The following ZNF638 variants were observed in gnomAD, a reference collection of about 807,000 sequenced individuals.
ZNF638 encodes the protein zinc finger protein 638.
ZNF638 carries 46 observed loss-of-function variants against 195.6 expected under a neutral mutation model. The ratio of observed to expected loss-of-function variants is 0.24; its 90% CI spans 0.19 to 0.30. The LOEUF (loss-of-function observed/expected upper bound fraction) is 0.30. ZNF638 is among the 10% of genes least tolerant of loss of function. The pLI is 1.00. For synonymous variants in ZNF638, 845 were observed against 772.0 expected (o/e 1.09, Z -1.57); for missense variants, 2,440 against 2,325.3 (o/e 1.05, Z -1.01).
chr2:71,431,540 A>C, intron 26 of ZNF638, 112 bp downstream of exon 26: 1 of 817,104 alleles, frequency 1.2e-6, no homozygotes, highest in South Asian at 1.5e-5. Flanking sequence ...CGGGTGGATC[A>C]CTAGGTCAGG....
intron 25 of ZNF638, 44 bp from the exon 26 acceptor site, chr2:71,431,283 T>C: frequency 6.6e-7 from 1 of 1,525,578 alleles, no homozygotes; most frequent in Non-Finnish European, 9.0e-7. Flanking sequence ...TTACAAAGTC[T>C]GTAAATCTAT....
At chr2:71,333,641 C>G (rs115815617) in intron 1 of ZNF638, among the ~76,000 whole-genome samples, 2 of 152,248 alleles carry the variant, frequency 1.3e-5, no homozygotes, top group Non-Finnish European at 2.9e-5. Flanking sequence ...GAAAATGAGA[C>G]AAGTAGTTTA....
At chr2:71,410,973 A>ACCCC (rs1558876322) in intron 20 of ZNF638, among the ~76,000 whole-genome samples, 8 of 49,656 alleles carry the variant, frequency 1.6e-4, no homozygotes, top group South Asian at 8.3e-4. Flanking sequence ...TTTTCTCCCC[A>ACCCC]CCCACCACCT....
chr2:71,386,984 A>G (rs983074906), intron 10 of ZNF638, among the ~76,000 whole-genome samples: 1 of 151,988 alleles, frequency 6.6e-6, no homozygotes, highest in African/African-American at 2.4e-5. Context: ...AGTAGCTGGT[A>G]TTACAGGCCA....
intron 1 of ZNF638, among the ~76,000 whole-genome samples, chr2:71,342,467 A>G (rs1184997102): frequency 6.6e-6 from 1 of 151,938 alleles, no homozygotes; most frequent in Non-Finnish European, 1.5e-5. Context: ...CAGACACATT[A>G]TTTTACTCAT....
chr2:71,388,056 A>G (rs940031286), intron 10 of ZNF638, among the ~76,000 whole-genome samples: 2 of 152,196 alleles, frequency 1.3e-5, no homozygotes, highest in Non-Finnish European at 2.9e-5. Flanking sequence ...TTTCCATTTC[A>G]CATTGGGAAG....
chr2:71,397,529 T>C (rs2079918167), intron 11 of ZNF638, among the ~76,000 whole-genome samples: 1 of 152,214 alleles, frequency 6.6e-6, no homozygotes, highest in South Asian at 2.1e-4. Flanking sequence ...ATGATTGTAT[T>C]CTCATAACGT....
chr2:71,364,114 C>T lies in ZNF638; in HGVS notation c.1579C>T (p.His527Tyr). ...GAGAAGTCGAAGTCCAAGAATTTGC[C>T]ATCGTTTCATTTCTAGATACAGATC... The part of the protein sequence containing the change: ...RPRSRSPRIC[H>Y]RFISRYRSRS... The change falls in exon 5 of 28, where the codon CAT becomes TAT. Residue 527 changes from histidine (H) to tyrosine (Y), a missense_variant. Physicochemically the swap from His to Tyr is moderately conservative, Grantham distance 83. Coordinates refer to ENST00000264447, the MANE Select transcript of ZNF638 (RefSeq NM_014497.5). The T allele has an allele frequency of 6.2e-7, 1 of 1,614,112 alleles. No homozygotes were observed. The highest frequency in any genetic ancestry group is 8.5e-7 in the Non-Finnish European group (1 of 1,180,012).
intron 1 of ZNF638, among the ~76,000 whole-genome samples, chr2:71,343,693 C>T (rs1001957499): frequency 6.6e-5 from 10 of 152,128 alleles, no homozygotes; most frequent in African/African-American, 2.4e-4. Context: ...AATAGAATTT[C>T]TTAACCTTTT....
At chr2:71,391,707 A>G (rs2079781989) in intron 10 of ZNF638, among the ~76,000 whole-genome samples, 1 of 152,216 alleles carries the variant, frequency 6.6e-6, no homozygotes, top group Admixed American at 6.5e-5. Context: ...ATCAAAAATT[A>G]CTGGGTGATA....
At chr2:71,368,356 T>C (rs1558847101) in intron 6 of ZNF638, 26 bp from the exon 7 acceptor site, 1 of 1,597,238 alleles carries the variant, frequency 6.3e-7, no homozygotes, top group Non-Finnish European at 8.5e-7. Flanking sequence ...TGGTTTATTT[T>C]AAATTTTCTT....
At chr2:71,393,069 G>A (rs778520405) in intron 10 of ZNF638, among the ~76,000 whole-genome samples, 3 of 152,124 alleles carry the variant, frequency 2.0e-5, no homozygotes, top group African/African-American at 4.8e-5. Flanking sequence ...GTCACACATG[G>A]AGCATCCAAC....
chr2:71,371,671 T>G (rs1042805874), intron 8 of ZNF638, among the ~76,000 whole-genome samples: 6 of 137,656 alleles, frequency 4.4e-5, no homozygotes, highest in Non-Finnish European at 7.9e-5. Context: ...TCTTCAGATC[T>G]TTTGCCCATT....
At chr2:71,382,303 G>T (rs2542521) in intron 10 of ZNF638, among the ~76,000 whole-genome samples, 15,062 of 152,068 alleles carry the variant, frequency 0.099, 810 homozygotes, top group Non-Finnish European at 0.12. Context: ...AGATACTTGG[G>T]AATTTTTTTA....
intron 18 of ZNF638, 80 bp downstream of exon 18, chr2:71,405,722 T>A: frequency 9.5e-7 from 1 of 1,053,844 alleles, no homozygotes; most frequent in Non-Finnish European, 1.4e-6. Flanking sequence ...TTTTAGGAAT[T>A]AAAACCTTAG....
intron 10 of ZNF638, among the ~76,000 whole-genome samples, chr2:71,385,002 A>G (rs1006182062): frequency 1.3e-5 from 2 of 152,174 alleles, no homozygotes; most frequent in African/African-American, 2.4e-5. Flanking sequence ...CAGCTATACC[A>G]TGGCATTCAG....
Position 71,422,867 on chromosome 2 carries a change from A to G in ZNF638, c.3353A>G (p.Asp1118Gly), listed in dbSNP as rs985956352. 2.5e-6 allele frequency: 4 copies of G among 1,613,966 alleles called. No homozygotes were observed. Among genetic ancestry groups the G allele is most frequent in the Non-Finnish European group, 3.4e-6 (4 of 1,179,972 alleles). Residue 1118 changes from aspartate to glycine, a missense_variant, in exon 22 of 28, where the codon GAT (aspartate) becomes GGT (glycine). Coordinates refer to ENST00000264447, the MANE Select transcript of ZNF638 (RefSeq NM_014497.5). ...IDESEVQTAT[D>G]SPSVKPNELE... is the part of the protein sequence containing the mutation. Reference sequence around the variant, plus strand: ...GAAAGTGAGGTGCAAACAGCAACTGATAGTCCCTCTGTTAAACCTAATGAG... The same window carrying G: ...GAAAGTGAGGTGCAAACAGCAACTGGTAGTCCCTCTGTTAAACCTAATGAG...
Position 71,402,065 on chromosome 2 carries a change from T to G in ZNF638, c.2807T>G (p.Leu936Trp). The G allele has an allele frequency of 6.2e-7, 1 of 1,606,728 alleles. No individual in the cohort carries two copies. Among genetic ancestry groups the G allele is most frequent in the East Asian group, 2.2e-5 (1 of 44,656 alleles). Reference protein sequence around the residue: ...AKPFGGLKDILILSSHKKAYI... With the variant: ...AKPFGGLKDIWILSSHKKAYI... ...CCATTTGGTGGTTTAAAGGATATCT[T>G]GATTTTATCATCTCATAAAAAGGTA... Residue 936 changes from leucine (L) to tryptophan (W), a missense_variant, in exon 16 of 28, where the codon TTG (leucine) becomes TGG (tryptophan). Coordinates refer to ENST00000264447, the MANE Select transcript of ZNF638 (RefSeq NM_014497.5).
intron 19 of ZNF638, 54 bp downstream of exon 19, chr2:71,406,316 C>T: frequency 6.6e-7 from 1 of 1,514,954 alleles, no homozygotes. Context: ...TGTATAATAA[C>T]CCTGTATTCT....
Sources: allele counts gnomAD v4.1 joint callset (sites outside exome capture counted in the v4.1 genomes callset), GRCh38; gene constraint gnomAD v4.1.1; transcripts MANE v1.5; gene names NCBI Gene and HGNC (gene_info 2026-07-23, HGNC 2026-07-21).